The following SEMA3A variants were observed in gnomAD, a reference collection of about 807,000 sequenced individuals.
The protein encoded by SEMA3A is semaphorin 3A, also known as semaphorin-3A.
In SEMA3A, 29 loss-of-function variants were observed where a neutral mutation model predicts 97.9. The observed-to-expected ratio is 0.30, with a 90% CI of 0.22 to 0.40. The LOEUF (loss-of-function observed/expected upper bound fraction) is 0.40, where lower values mean the gene tolerates loss of function less well. Ranked by LOEUF, SEMA3A falls within the 10% of genes least tolerant of loss-of-function variation. The pLI, the probability that SEMA3A is intolerant of heterozygous loss-of-function variation, is 1.00. For missense variants in SEMA3A, 763 were observed against 951.3 expected (o/e 0.80, Z 2.60); for synonymous variants, 321 against 323.7 (o/e 0.99, Z 0.09).
intron 3 of SEMA3A, among the ~76,000 whole-genome samples, chr7:84,206,537 T>G (rs1798498407): frequency 6.6e-6 from 1 of 152,140 alleles, no homozygotes; most frequent in African/African-American, 2.4e-5. Context: ...TTAGCCAGGA[T>G]GGTTGCGATC....
chr7:84,095,358 C>CATATATATAT lies in SEMA3A; in HGVS notation c.453+15102_453+15111dup, dbSNP rs200107086. Among the ~76,000 whole-genome samples the CATATATATAT allele has an allele frequency of 1.6e-3, 195 of 122,862 alleles. 1 individual carries two copies. Among genetic ancestry groups the CATATATATAT allele is most frequent in the African/African-American group, 5.8e-3 (167 of 28,982 alleles). 80.6% of individuals were successfully genotyped at this position (122,862 alleles called of 152,430 possible). ...ATATATATTTTATATTTTTTATATA[C>CATATATATAT]ATATATATATATATATATATATATA... On this transcript the variant is annotated intron_variant, in intron 4 of 16. Coordinates refer to ENST00000265362, the MANE Select transcript of SEMA3A (RefSeq NM_006080.3).
intron 1 of SEMA3A, among the ~76,000 whole-genome samples, chr7:84,413,659 A>G (rs1804343773): frequency 6.6e-6 from 1 of 152,132 alleles, no homozygotes; most frequent in Non-Finnish European, 1.5e-5. Context: ...CAAACAAAAA[A>G]ACACAAAACT....
intron 1 of SEMA3A, among the ~76,000 whole-genome samples, chr7:84,375,905 A>G (rs581290): frequency 0.12 from 18,417 of 152,030 alleles, 2,060 homozygotes; most frequent in East Asian, 0.35. Context: ...TATGAGATCA[A>G]CTTTTTAGCT....
intron 3 of SEMA3A, among the ~76,000 whole-genome samples, chr7:84,256,806 T>C (rs1000849381): frequency 2.0e-5 from 3 of 152,072 alleles, no homozygotes; most frequent in African/African-American, 7.2e-5. Context: ...TTCTAAACCC[T>C]ATAATGACTT....
intron 1 of SEMA3A, among the ~76,000 whole-genome samples, chr7:84,445,493 CAAAAAAAAA>C (rs61298477): frequency 5.1e-4 from 14 of 27,552 alleles, no homozygotes; most frequent in Non-Finnish European, 6.3e-4. Flanking sequence ...GACTCCATCT[CAAAAAAAAA>C]AAAAAAAAAA....
At chr7:84,062,119 T>C (rs535422462) in intron 4 of SEMA3A, among the ~76,000 whole-genome samples, 1 of 152,200 alleles carries the variant, frequency 6.6e-6, no homozygotes, top group Non-Finnish European at 1.5e-5. Context: ...ATTTTAAAAA[T>C]GCTATTTATA....
At chr7:84,327,313 T>C (rs1004294646) in intron 2 of SEMA3A, among the ~76,000 whole-genome samples, 3 of 151,550 alleles carry the variant, frequency 2.0e-5, no homozygotes, top group African/African-American at 4.8e-5. Context: ...TCAGTTTTCA[T>C]TGGAATAATC....
chr7:84,328,890 T>C (rs974651329), intron 2 of SEMA3A, among the ~76,000 whole-genome samples: 1 of 152,036 alleles, frequency 6.6e-6, no homozygotes, highest in African/African-American at 2.4e-5. Flanking sequence ...ACAAAGTCTC[T>C]GGGAAATAAT....
At chr7:84,152,698 A>AAAAT (rs1003615629) in intron 1 of SEMA3A, among the ~76,000 whole-genome samples, 2 of 151,502 alleles carry the variant, frequency 1.3e-5, no homozygotes, top group Non-Finnish European at 2.9e-5. Flanking sequence ...ATAATAATAA[A>AAAAT]AAATAAATAA....
intron 4 of SEMA3A, among the ~76,000 whole-genome samples, chr7:84,098,591 A>AT (rs1794850719): frequency 1.3e-5 from 2 of 152,120 alleles, no homozygotes; most frequent in Non-Finnish European, 2.9e-5. Flanking sequence ...CTGCCAAGGA[A>AT]TTTTACCAAG....
chr7:84,404,429 G>A (rs1038806277), intron 1 of SEMA3A, among the ~76,000 whole-genome samples: 17 of 152,206 alleles, frequency 1.1e-4, no homozygotes, highest in Non-Finnish European at 2.2e-4. Context: ...TGGTGTACCT[G>A]AAAGTGACGG....
chr7:84,276,375 T>A (rs1249774908), intron 3 of SEMA3A, among the ~76,000 whole-genome samples: 2 of 152,052 alleles, frequency 1.3e-5, no homozygotes, highest in Non-Finnish European at 2.9e-5. Context: ...TCTATAGTGT[T>A]TTGTCTGTTT....
chr7:84,065,690 G>GGC (rs1793453044), intron 4 of SEMA3A, among the ~76,000 whole-genome samples: 1 of 152,048 alleles, frequency 6.6e-6, no homozygotes, highest in Admixed American at 6.5e-5. Flanking sequence ...TAAATTCCTC[G>GGC]ACGTATACAC....
chr7:84,336,440 G>C (rs530460463), intron 2 of SEMA3A, among the ~76,000 whole-genome samples: 1 of 152,224 alleles, frequency 6.6e-6, no homozygotes, highest in African/African-American at 2.4e-5. Flanking sequence ...CACGCCAATA[G>C]ATACAGGCCT....
At chr7:84,095,283 A>T (rs1370940189) in intron 4 of SEMA3A, among the ~76,000 whole-genome samples, 2 of 146,622 alleles carry the variant, frequency 1.4e-5, no homozygotes, top group Admixed American at 6.9e-5. Context: ...TGTAGCATAT[A>T]TATGGCATTA....
chr7:84,145,522 T>TC (rs1281489257), intron 1 of SEMA3A, among the ~76,000 whole-genome samples: 1 of 152,198 alleles, frequency 6.6e-6, no homozygotes, highest in Non-Finnish European at 1.5e-5. Context: ...CTTTGCTAAT[T>TC]AAGTTATAAA....
At chr7:84,333,074 G>A (rs1435278773) in intron 2 of SEMA3A, among the ~76,000 whole-genome samples, 2 of 152,050 alleles carry the variant, frequency 1.3e-5, no homozygotes, top group African/African-American at 4.8e-5. Context: ...CTATTTTTGT[G>A]TAATTGCTGG....
chr7:84,067,424 G>A (rs532986145), intron 4 of SEMA3A, among the ~76,000 whole-genome samples: 2 of 152,082 alleles, frequency 1.3e-5, no homozygotes, highest in African/African-American at 4.8e-5. Flanking sequence ...TGACAAATGG[G>A]ATCTAATTAA....
intron 15 of SEMA3A, among the ~76,000 whole-genome samples, chr7:83,970,194 G>T: frequency 6.6e-6 from 1 of 152,114 alleles, no homozygotes; most frequent in East Asian, 1.9e-4. Flanking sequence ...TTAATGACAA[G>T]AAATAATGTT....
Sources: gnomAD v4.1 joint callset for allele counts (sites outside exome capture counted in the v4.1 genomes callset) on GRCh38, gnomAD v4.1.1 for gene constraint, MANE v1.5 for transcripts, NCBI Gene and HGNC (gene_info 2026-07-23, HGNC 2026-07-21) for gene names.